GRIK2: variants seen among roughly 807,000 people sequenced by gnomAD.
GRIK2 encodes glutamate ionotropic receptor kainate type subunit 2.
A neutral mutation model predicts 100.3 loss-of-function variants in GRIK2; 32 were observed. That is an observed-to-expected ratio of 0.32 (90% confidence interval 0.24 to 0.43). GRIK2 has a LOEUF of 0.43. GRIK2 is among the 20% of genes least tolerant of loss of function. The pLI is 1.00. For synonymous variants in GRIK2, 417 were observed against 389.4 expected (o/e 1.07, Z -0.83); for missense variants, 843 against 1,114.9 (o/e 0.76, Z 3.47).
intron 7 of GRIK2, among the ~76,000 whole-genome samples, chr6:101,732,525 T>C (rs1445723143): frequency 6.6e-6 from 1 of 152,128 alleles, no homozygotes; most frequent in East Asian, 1.9e-4. Flanking sequence ...AAAACTCGAT[T>C]ACAAATAATG....
intron 7 of GRIK2, among the ~76,000 whole-genome samples, chr6:101,767,978 C>A (rs1018676478): frequency 6.6e-6 from 1 of 152,070 alleles, no homozygotes; most frequent in Admixed American, 6.6e-5. Flanking sequence ...CACACCTCAG[C>A]CTTCCAAGTA....
chr6:101,539,023 AAG>A (rs1033462633), intron 2 of GRIK2, among the ~76,000 whole-genome samples: 8 of 149,804 alleles, frequency 5.3e-5, no homozygotes, highest in East Asian at 3.9e-4. Flanking sequence ...TTGAAAAAAA[AAG>A]AGAATTTCAG....
At chr6:101,752,717 A>G (rs750714935) in intron 7 of GRIK2, among the ~76,000 whole-genome samples, 12 of 152,200 alleles carry the variant, frequency 7.9e-5, no homozygotes, top group South Asian at 2.1e-4. Flanking sequence ...AACAAACATA[A>G]GAGTCTCAGA....
chr6:101,648,550 T>C (rs1781637651), intron 4 of GRIK2, among the ~76,000 whole-genome samples: 1 of 151,996 alleles, frequency 6.6e-6, no homozygotes, highest in Non-Finnish European at 1.5e-5. Flanking sequence ...TTGAAATATT[T>C]TTTAGTTTTT....
At chr6:101,573,675 A>G (rs973667849) in intron 2 of GRIK2, among the ~76,000 whole-genome samples, 6 of 152,138 alleles carry the variant, frequency 3.9e-5, no homozygotes, top group African/African-American at 1.4e-4. Flanking sequence ...TGACTCCTTC[A>G]TTTTATATAC....
chr6:101,484,201 G>T (rs1772690699), intron 2 of GRIK2, among the ~76,000 whole-genome samples: 1 of 152,138 alleles, frequency 6.6e-6, no homozygotes, highest in Non-Finnish European at 1.5e-5. Context: ...TGGCTCTTTT[G>T]ATAGCACATA....
intron 14 of GRIK2, among the ~76,000 whole-genome samples, chr6:102,025,881 A>G (rs1372652687): frequency 6.6e-6 from 1 of 150,800 alleles, no homozygotes; most frequent in African/African-American, 2.4e-5. Context: ...ATTAAATAGA[A>G]TAAGTTGAGT....
chr6:101,565,933 GTGTATATA>G (rs1327752616), intron 2 of GRIK2, among the ~76,000 whole-genome samples: 716 of 62,766 alleles, frequency 0.011, 14 homozygotes, highest in African/African-American at 0.035. Context: ...ATATATATAT[GTGTATATA>G]TATATATATA....
intron 3 of GRIK2, among the ~76,000 whole-genome samples, chr6:101,624,887 A>G (rs1251501399): frequency 6.6e-6 from 1 of 152,080 alleles, no homozygotes; most frequent in Non-Finnish European, 1.5e-5. Context: ...ACACAGCACC[A>G]TGCCCAGCTG....
chr6:101,424,185 A>G (rs555508364), intron 2 of GRIK2, among the ~76,000 whole-genome samples: 2 of 151,502 alleles, frequency 1.3e-5, no homozygotes, highest in South Asian at 2.1e-4. Flanking sequence ...TTTTTTTATT[A>G]TACTTTAAGT....
intron 10 of GRIK2, among the ~76,000 whole-genome samples, 199 bp from the exon 11 acceptor site, chr6:101,859,088 T>G (rs2128443082): frequency 6.6e-6 from 1 of 152,228 alleles, no homozygotes; most frequent in Non-Finnish European, 1.5e-5. Flanking sequence ...AAGTTTTTTT[T>G]GTAAAGCACT....
At chr6:101,626,903 A>G (rs2852583) in intron 4 of GRIK2, among the ~76,000 whole-genome samples, 26,493 of 151,896 alleles carry the variant, frequency 0.17, 2,519 homozygotes, top group African/African-American at 0.26. Flanking sequence ...GTTGGATGAA[A>G]GATAGATGTA....
chr6:102,009,822 G>A (rs1187657049), intron 14 of GRIK2, among the ~76,000 whole-genome samples: 2 of 152,066 alleles, frequency 1.3e-5, no homozygotes, highest in Non-Finnish European at 2.9e-5. Context: ...TATTGTGTGT[G>A]AGATGCATGG....
intron 14 of GRIK2, among the ~76,000 whole-genome samples, chr6:102,028,762 TTA>T (rs1373239435): frequency 4.6e-5 from 7 of 151,184 alleles, no homozygotes; most frequent in Admixed American, 4.0e-4. Flanking sequence ...TATAATCTTT[TTA>T]TGTTTTATGT....
intron 10 of GRIK2, 145 bp downstream of exon 10, chr6:101,818,628 T>C: frequency 1.7e-6 from 1 of 589,632 alleles, no homozygotes; most frequent in Non-Finnish European, 3.0e-6. Context: ...GAGTCAATGT[T>C]AATTTAGTCA....
intron 2 of GRIK2, among the ~76,000 whole-genome samples, chr6:101,583,660 C>G (rs1562241942): frequency 6.6e-6 from 1 of 151,922 alleles, no homozygotes; most frequent in Non-Finnish European, 1.5e-5. Flanking sequence ...GCATATTTTC[C>G]ACATAGAAAA....
intron 14 of GRIK2, among the ~76,000 whole-genome samples, chr6:101,988,090 A>AGT (rs57491735): frequency 0.013 from 1,819 of 141,050 alleles, 13 homozygotes; most frequent in Admixed American, 0.018. Context: ...CCAGTATTAT[A>AGT]GTGTGTGTGT....
chr6:101,739,069 C>T (rs1775861534), intron 7 of GRIK2, among the ~76,000 whole-genome samples: 1 of 152,140 alleles, frequency 6.6e-6, no homozygotes, highest in Non-Finnish European at 1.5e-5. Context: ...CTAATTAAGG[C>T]AAGAGCCTGA....
chr6:102,046,708 T>G (rs1422529384), intron 15 of GRIK2, among the ~76,000 whole-genome samples: 1 of 152,168 alleles, frequency 6.6e-6, no homozygotes, highest in Non-Finnish European at 1.5e-5. Flanking sequence ...TTATATGGAA[T>G]GAACCTAACA....
Sources: allele counts gnomAD v4.1 joint callset (sites outside exome capture counted in the v4.1 genomes callset), GRCh38; gene constraint gnomAD v4.1.1; transcripts MANE v1.5; gene names NCBI Gene and HGNC (gene_info 2026-07-23, HGNC 2026-07-21).